Variants in TAFA2 observed in about 807,000 individuals in gnomAD.
The protein encoded by TAFA2 is chemokine-like protein TAFA-2.
Under a neutral mutation model 18.8 loss-of-function variants are expected in TAFA2, and 7 were observed. The observed-to-expected ratio is 0.37, with a 90% CI of 0.21 to 0.70. The LOEUF is 0.70. TAFA2 is among the 30% of genes least tolerant of loss of function. The pLI is 0.53. For synonymous variants in TAFA2, 60 were observed against 54.2 expected (o/e 1.11, Z -0.47); for missense variants, 122 against 158.1 (o/e 0.77, Z 1.23).
chr12:61,792,957 C>T (rs1254158101), intron 2 of TAFA2, among the ~76,000 whole-genome samples: 3 of 151,518 alleles, frequency 2.0e-5, no homozygotes. Context: ...GTCAAATATA[C>T]ATTTGTTTAG....
rs10667553 is a variant in TAFA2 at position 61,821,165 on chromosome 12, A to AC, written c.106+46154_106+46155insG. 8.5e-3 allele frequency among the ~76,000 whole-genome samples: 1,237 copies of AC among 146,010 alleles called. 7 individuals are homozygous for AC. The highest frequency in any genetic ancestry group is 0.019 in the South Asian group (86 of 4,546). On this transcript the variant is annotated intron_variant, in intron 2 of 4. Coordinates refer to ENST00000416284, the MANE Select transcript of TAFA2 (RefSeq NM_178539.5). The stretch of plus-strand genomic sequence containing the variant: ...CACACACACACACACACACACACAC[A>AC]ATTATTTGGAGGGTGCTGAAACATC...
rs143343722 is a variant in TAFA2, at chr12:62,075,889, T to G, written c.-2+115370A>C. 2.9e-3 allele frequency among the ~76,000 whole-genome samples: 440 copies of G among 152,360 alleles called. 1 individual carries two copies. The highest frequency in any genetic ancestry group is 9.8e-3 in the African/African-American group (406 of 41,578). On this transcript the variant is annotated intron_variant, in intron 1 of 4. Transcript: ENST00000416284. ...TATATGGTTTTGAATTTGAATTTTA[T>G]TGTTTATAAACCTTTTCCAAAAATA...
At chr12:61,893,240 C>T (rs538343618) in intron 1 of TAFA2, among the ~76,000 whole-genome samples, 1 of 152,296 alleles carries the variant, frequency 6.6e-6, no homozygotes, top group East Asian at 1.9e-4. Flanking sequence ...AACCATTACA[C>T]TTGGCAGCAT....
intron 1 of TAFA2, among the ~76,000 whole-genome samples, chr12:62,236,696 T>A (rs1291024116): frequency 6.6e-6 from 1 of 152,272 alleles, no homozygotes; most frequent in Non-Finnish European, 1.5e-5. Flanking sequence ...ACTTTATCTC[T>A]GCTTTATGTT....
chr12:61,930,950 A>G (rs1241285267), intron 1 of TAFA2, among the ~76,000 whole-genome samples: 1 of 152,246 alleles, frequency 6.6e-6, no homozygotes, highest in African/African-American at 2.4e-5. Context: ...CTCTATAAAT[A>G]CAGTCAGAAG....
At chr12:61,713,807 G>A (rs1301337836) in intron 4 of TAFA2, among the ~76,000 whole-genome samples, 1 of 152,084 alleles carries the variant, frequency 6.6e-6, no homozygotes, top group African/African-American at 2.4e-5. Context: ...TGCTGGGGGG[G>A]AAACATATTT....
intron 1 of TAFA2, among the ~76,000 whole-genome samples, chr12:61,989,043 A>C (rs1879910693): frequency 6.6e-6 from 1 of 152,172 alleles, no homozygotes; most frequent in Admixed American, 6.5e-5. Flanking sequence ...GCCTTTCCTC[A>C]GAAAAATATT....
intron 2 of TAFA2, among the ~76,000 whole-genome samples, chr12:61,816,630 C>A (rs907260419): frequency 1.3e-5 from 2 of 151,364 alleles, no homozygotes; most frequent in Admixed American, 6.6e-5. Flanking sequence ...CTAATTTACA[C>A]TCCCACCAAC....
intron 1 of TAFA2, among the ~76,000 whole-genome samples, chr12:61,926,299 A>C (rs571677228): frequency 1.5e-3 from 233 of 152,368 alleles, no homozygotes; most frequent in Middle Eastern, 0.01. Flanking sequence ...TTCTGAAACT[A>C]TTCCAAACAA....
chr12:62,067,533 G>C (rs1882522139), intron 1 of TAFA2, among the ~76,000 whole-genome samples: 1 of 151,978 alleles, frequency 6.6e-6, no homozygotes, highest in Non-Finnish European at 1.5e-5. Context: ...TCTGCATATG[G>C]ATATCCAGTT....
At chr12:61,794,509 T>G (rs1871112231) in intron 2 of TAFA2, among the ~76,000 whole-genome samples, 1 of 152,026 alleles carries the variant, frequency 6.6e-6, no homozygotes, top group African/African-American at 2.4e-5. Context: ...AAAACATTGA[T>G]AAAAGAAATT....
At chr12:61,940,745 G>T (rs1877968610) in intron 1 of TAFA2, among the ~76,000 whole-genome samples, 1 of 152,152 alleles carries the variant, frequency 6.6e-6, no homozygotes, top group African/African-American at 2.4e-5. Context: ...TTGAGGAAAG[G>T]TCTGAAGAGG....
At position 61,750,079 on chromosome 12, in the gene TAFA2, T is replaced by C. The variant is rs550330325; in HGVS notation, c.384+3543A>G. Among the ~76,000 whole-genome samples the C allele has an allele frequency of 4.7e-4, 72 of 152,192 alleles. 1 individual carries two copies. Among genetic ancestry groups the C allele is most frequent in the African/African-American group, 1.7e-3 (69 of 41,530 alleles). On this transcript the variant is annotated intron_variant, in intron 4 of 4. Transcript: ENST00000416284. ...TTAAATATTTTCTTTTCTTATATTT[T>C]ACAAGCTCTGCAGCATCTTTCCCCC...
chr12:61,730,802 A>G (rs1592350442), intron 4 of TAFA2, among the ~76,000 whole-genome samples: 2 of 152,220 alleles, frequency 1.3e-5, no homozygotes, highest in Admixed American at 6.5e-5. Flanking sequence ...CCAGGCCTTC[A>G]GTGTACAGGG....
intron 1 of TAFA2, among the ~76,000 whole-genome samples, chr12:62,069,491 C>T (rs779591957): frequency 1.3e-5 from 2 of 152,074 alleles, no homozygotes; most frequent in Non-Finnish European, 2.9e-5. Context: ...CTACGTACAC[C>T]AGGAGTACAG....
chr12:62,006,373 AATTTCACGTGG>A (rs58874338), intron 1 of TAFA2, among the ~76,000 whole-genome samples: 16,944 of 152,106 alleles, frequency 0.11, 1,580 homozygotes, highest in African/African-American at 0.25. Context: ...CGCTCCTATA[AATTTCACGTGG>A]ATAGCAGATG....
At chr12:62,085,861 A>G (rs1868428936) in intron 1 of TAFA2, among the ~76,000 whole-genome samples, 2 of 152,116 alleles carry the variant, frequency 1.3e-5, no homozygotes, top group Admixed American at 1.3e-4. Context: ...GGTGGAGGTG[A>G]CTAGATCATG....
intron 2 of TAFA2, among the ~76,000 whole-genome samples, chr12:61,841,516 T>C (rs1873179906): frequency 6.6e-6 from 1 of 152,126 alleles, no homozygotes; most frequent in East Asian, 1.9e-4. Flanking sequence ...TCTGTTTTTA[T>C]GCCAATACCA....
chr12:62,141,313 G>A (rs1214634779), intron 1 of TAFA2, among the ~76,000 whole-genome samples: 1 of 152,150 alleles, frequency 6.6e-6, no homozygotes. Context: ...ATAGCACTGC[G>A]AGAATGGGGC....
Sources: allele counts gnomAD v4.1 joint callset (sites outside exome capture counted in the v4.1 genomes callset), GRCh38; gene constraint gnomAD v4.1.1; transcripts MANE v1.5; gene names NCBI Gene and HGNC (gene_info 2026-07-23, HGNC 2026-07-21).